The following ZNF443 variants were observed in gnomAD, a reference collection of about 807,000 sequenced individuals.
The protein encoded by ZNF443 is Kruppel-type zinc finger (C2H2).
Under a neutral mutation model 12.0 loss-of-function variants are expected in ZNF443, and 3 were observed. That is an observed-to-expected ratio of 0.25 (90% CI 0.11 to 0.64). The LOEUF is 0.64. Ranked by LOEUF, ZNF443 falls within the 30% of genes least tolerant of loss-of-function variation. The pLI, the probability that ZNF443 is intolerant of heterozygous loss-of-function variation, is 0.84. For missense variants in ZNF443, 770 were observed against 808.8 expected, an observed-to-expected ratio of 0.95 and a Z score of 0.58; for synonymous variants, 225 against 265.9, an observed-to-expected ratio of 0.85 and a Z score of 1.50.
rs370681607 is a variant in ZNF443 at position 12,430,591 on chromosome 19, T to C, written c.1581A>G (p.Thr527=). Residue 527 remains threonine (T), a synonymous_variant, in exon 4 of 4, where the codon ACA becomes ACG. Coordinates refer to ENST00000301547, the MANE Select transcript of ZNF443 (RefSeq NM_005815.5). ...RYLSRHKRTH[T]GEKPYECKTC... ...TTTTACACTCATAAGGTTTCTCTCC[T>C]GTGTGAGTCCTTTTATGTCGAGAAA... 565 of 1,613,788 alleles carry C rather than the reference T, an allele frequency of 3.5e-4. 10 individuals are homozygous for C. In the South Asian group the frequency reaches 5.1e-3, roughly 14 times the overall value.
chr19:12,440,763 C>A, intron 1 of ZNF443, 149 bp downstream of exon 1: 1 of 1,358,876 alleles, frequency 7.4e-7, no homozygotes. Flanking sequence ...CAGCCCCACC[C>A]TGCGGCCGAG....
chr19:12,437,798 A>C (rs1970328530), intron 1 of ZNF443, among the ~76,000 whole-genome samples: 1 of 145,108 alleles, frequency 6.9e-6, no homozygotes, highest in South Asian at 2.3e-4. Flanking sequence ...AGCCCTAATC[A>C]AAAGCCATAT....
chr19:12,440,711 C>G (rs919177942), intron 1 of ZNF443, among the ~76,000 whole-genome samples: 2 of 152,216 alleles, frequency 1.3e-5, no homozygotes, highest in Non-Finnish European at 2.9e-5. Context: ...GCAGTCGCCG[C>G]GCAGGAACGG....
intron 1 of ZNF443, among the ~76,000 whole-genome samples, chr19:12,437,049 G>A (rs929360714): frequency 6.6e-6 from 1 of 151,628 alleles, no homozygotes; most frequent in Non-Finnish European, 1.5e-5. Context: ...AGGTCCATTT[G>A]TTGTGAATGG....
intron 1 of ZNF443, among the ~76,000 whole-genome samples, chr19:12,439,096 C>A (rs1970341261): frequency 6.6e-6 from 1 of 152,088 alleles, no homozygotes. Flanking sequence ...AGACACTCAC[C>A]ACCCTCCTAG....
At chr19:12,436,342 T>C (rs1970308486) in intron 1 of ZNF443, among the ~76,000 whole-genome samples, 1 of 149,910 alleles carries the variant, frequency 6.7e-6, no homozygotes, top group Non-Finnish European at 1.5e-5. Flanking sequence ...TAGCTGGGCA[T>C]GGTGGTGCAC....
Position 12,430,139 on chromosome 19 carries a change from T to A in ZNF443, c.*17A>T, listed in dbSNP as rs745733782. On this transcript the variant is annotated 3_prime_UTR_variant, in exon 4 of 4. Transcript: ENST00000301547. The stretch of plus-strand genomic sequence containing the variant: ...TTAATAAATGCTTTCCCACATTCCA[T>A]ACATTTAGAGAGAATGCTAGTGAGT... 1 of 1,607,836 alleles carries A rather than the reference T, an allele frequency of 6.2e-7. No homozygotes were observed. Among genetic ancestry groups the A allele is most frequent in the East Asian group, 2.2e-5 (1 of 44,864 alleles).
rs1410625732 is a variant in ZNF443, at chr19:12,430,532, A to C, written c.1640T>G (p.Leu547Ter). Residue 547 changes from leucine to a stop codon, truncating the protein, a stop_gained, in exon 4 of 4, where the codon TTA becomes TGA. Coordinates refer to ENST00000301547, the MANE Select transcript of ZNF443 (RefSeq NM_005815.5). LOFTEE classifies it low-confidence loss of function (END_TRUNC). Reference sequence around the variant, plus strand: ...AGAGTGAATTCTTTCATGTACCTTTAAGTTATCATAATGACCGAAGGCTTT... The same window carrying C: ...AGAGTGAATTCTTTCATGTACCTTTCAGTTATCATAATGACCGAAGGCTTT... ...CRKAFGHYDN[L>*]KVHERIHSGE... 1 of 1,614,104 alleles carries C rather than the reference A, an allele frequency of 6.2e-7. No homozygotes were observed.
intron 1 of ZNF443, among the ~76,000 whole-genome samples, chr19:12,434,495 T>C (rs559156871): frequency 6.6e-6 from 1 of 152,262 alleles, no homozygotes; most frequent in East Asian, 1.9e-4. Context: ...AAGAACTCAA[T>C]GTCATCTCTC....
Position 12,430,087 on chromosome 19 carries a change from C to T in ZNF443, c.*69G>A, listed in dbSNP as rs1000230849. The T allele has an allele frequency of 4.5e-5, 72 of 1,600,336 alleles. No individual in the cohort carries two copies. The highest frequency in any genetic ancestry group is 1.5e-4 in the African/African-American group (11 of 74,264). ...CACAGGGTCTATCTCCAATGTGTTT[C>T]GTACAAGTATCTGAAATGAAATAAA... On this transcript the variant is annotated 3_prime_UTR_variant, in exon 4 of 4. Coordinates refer to ENST00000301547, the MANE Select transcript of ZNF443 (RefSeq NM_005815.5).
chr19:12,437,704 T>A (rs1046949092), intron 1 of ZNF443, among the ~76,000 whole-genome samples: 1 of 152,062 alleles, frequency 6.6e-6, no homozygotes, highest in Admixed American at 6.5e-5. Flanking sequence ...AAAACTATTT[T>A]TTTTATTCTC....
rs550950713 is a variant in ZNF443 at position 12,436,667 on chromosome 19, G to A, written c.4-3470C>T. Among the ~76,000 whole-genome samples the A allele has an allele frequency of 3.9e-5, 6 of 152,170 alleles. No homozygotes were observed. In the South Asian group the frequency reaches 8.3e-4, roughly 21 times the overall value. On this transcript the variant is annotated intron_variant, in intron 1 of 3. Transcript: ENST00000301547. Reference sequence around the variant, plus strand: ...AAGGAATGAAATTGAGAGAACATGTGATTGGTGTACTTGTCTTGCCAATAA... The same window carrying A: ...AAGGAATGAAATTGAGAGAACATGTAATTGGTGTACTTGTCTTGCCAATAA...
At chr19:12,438,791 G>C (rs1163142961) in intron 1 of ZNF443, among the ~76,000 whole-genome samples, 1 of 152,116 alleles carries the variant, frequency 6.6e-6, no homozygotes, top group Non-Finnish European at 1.5e-5. Flanking sequence ...TTTATATTCT[G>C]AAGTCCAACT....
At position 12,430,726 on chromosome 19, in the gene ZNF443, C is replaced by G. The variant is rs752233607; in HGVS notation, c.1446G>C (p.Gly482=). The G allele has an allele frequency of 6.2e-7, 1 of 1,613,182 alleles. No homozygotes were observed. Among genetic ancestry groups the G allele is most frequent in the Admixed American group, 1.7e-5 (1 of 59,962 alleles). Residue 482 remains glycine, a synonymous_variant, in exon 4 of 4, where the codon GGG becomes GGC. Coordinates refer to ENST00000301547, the MANE Select transcript of ZNF443 (RefSeq NM_005815.5). ...AGGAACAGAAATCAATACAGGCTTTCCCAAGTTTGCATTTATAGGGTTTCT... is the reference window on the plus strand; with the variant it reads ...AGGAACAGAAATCAATACAGGCTTTGCCAAGTTTGCATTTATAGGGTTTCT... ...TGEKPYKCKL[G]KACIDFCSFQ... is the part of the protein sequence containing the mutation.
At position 12,431,294 on chromosome 19, in the gene ZNF443, G is replaced by T. The variant is rs1467037969; in HGVS notation, c.878C>A (p.Ser293Tyr). Residue 293 changes from serine (S) to tyrosine (Y), a missense_variant, in exon 4 of 4, where the codon TCC becomes TAC. Ser to Tyr is a moderately radical substitution (Grantham distance 144). This residue lies in a region of ZNF443 where 736 missense variants were observed against 689.4 expected (regional missense o/e 1.07). Coordinates refer to ENST00000301547, the MANE Select transcript of ZNF443 (RefSeq NM_005815.5). ...TCTTTCATGTATTAGACAAGAACTG[G>T]AATCAGGGAAGGCTTTAGAACACTG... ...CKQCSKAFPD[S>Y]SSCLIHERTH... 8 of 1,614,102 alleles carry T rather than the reference G, an allele frequency of 5.0e-6. No homozygotes were observed. The highest frequency in any genetic ancestry group is 1.1e-5 in the South Asian group (1 of 91,074).
chr19:12,433,366 C>A (rs1970277938), intron 1 of ZNF443, among the ~76,000 whole-genome samples, 169 bp from the exon 2 acceptor site: 1 of 152,204 alleles, frequency 6.6e-6, no homozygotes, highest in Non-Finnish European at 1.5e-5. Flanking sequence ...TACACAGTAA[C>A]TCTGAAGCTA....
At position 12,430,886 on chromosome 19, in the gene ZNF443, G is replaced by C. The variant is rs1341591818; in HGVS notation, c.1286C>G (p.Ala429Gly). ...GPHKCKVCGKAFVYPSVFQRH... is the reference protein window; with the variant it reads ...GPHKCKVCGKGFVYPSVFQRH... The stretch of plus-strand genomic sequence containing the variant: ...TTGAAATACACTGGGATAAACAAAG[G>C]CTTTCCCACATACCTTGCATTTATG... Residue 429 changes from alanine to glycine, a missense_variant, in exon 4 of 4, where the codon GCC (alanine) becomes GGC (glycine). Coordinates refer to ENST00000301547, the MANE Select transcript of ZNF443 (RefSeq NM_005815.5). The C allele has an allele frequency of 4.3e-6, 7 of 1,613,942 alleles. No homozygotes were observed. The African/African-American group carries it at 9.3e-5, about 22-fold the overall frequency.
rs746505077 is a variant in ZNF443, at chr19:12,431,770, A to G, written c.402T>C (p.His134=). The G allele has an allele frequency of 1.2e-5, 19 of 1,614,014 alleles. No homozygotes were observed. The highest frequency in any genetic ancestry group is 1.3e-5 in the African/African-American group (1 of 74,914). ...VGAGHKPHEY[H]ECGEKPDTHK... Reference sequence around the variant, plus strand: ...GCGTATCTGGCTTCTCTCCACATTCATGATACTCATGTGGTTTGTGCCCAG... The same window carrying G: ...GCGTATCTGGCTTCTCTCCACATTCGTGATACTCATGTGGTTTGTGCCCAG... The change falls in exon 4 of 4, where the codon CAT becomes CAC. Residue 134 remains histidine, a synonymous_variant. Transcript: ENST00000301547.
intron 1 of ZNF443, among the ~76,000 whole-genome samples, chr19:12,439,827 T>C (rs904339521): frequency 3.9e-5 from 6 of 152,002 alleles, no homozygotes; most frequent in African/African-American, 1.5e-4. Flanking sequence ...AAGCCATACA[T>C]TGCTAGCTGA....
Sources: allele counts gnomAD v4.1 joint callset (sites outside exome capture counted in the v4.1 genomes callset), GRCh38; gene constraint gnomAD v4.1.1; regional missense constraint gnomAD v4.1.1; transcripts MANE v1.5; gene names NCBI Gene and HGNC (gene_info 2026-07-23, HGNC 2026-07-21).